The following GRM5 variants were observed in gnomAD, a reference collection of about 807,000 sequenced individuals.
GRM5 encodes the protein glutamate metabotropic receptor 5, also known as metabotropic glutamate receptor 5.
A neutral mutation model predicts 83.1 loss-of-function variants in GRM5; 19 were observed. The observed-to-expected ratio is 0.23, with a 90% confidence interval of 0.16 to 0.34. The LOEUF (loss-of-function observed/expected upper bound fraction) is 0.34. Among genes scored for constraint, GRM5 ranks in the 10% least tolerant of loss-of-function variants. GRM5 has a pLI of 1.00. For missense variants in GRM5, 1,160 were observed against 1,588.3 expected (o/e 0.73, Z 4.58); for synonymous variants, 675 against 633.6 (o/e 1.07, Z -0.98).
chr11:89,032,331 TAA>T lies in GRM5; in HGVS notation c.661+14879_661+14880del, dbSNP rs1491466493. Among the ~76,000 whole-genome samples, 13 of 152,156 alleles carry T rather than the reference TAA, an allele frequency of 8.5e-5. No homozygotes were observed. The East Asian group carries it at 2.5e-3, about 29-fold the overall frequency. On this transcript the variant is annotated intron_variant, in intron 2 of 9. Coordinates refer to ENST00000305447, the MANE Select transcript of GRM5 (RefSeq NM_001143831.3). ...AAAACAGTAAACTAAAAAAAGCATA[TAA>T]TATATATACATACATATTTCAATTA... is the stretch of plus-strand genomic sequence containing the variant.
At chr11:88,713,310 T>C (rs16914647) in intron 3 of GRM5, among the ~76,000 whole-genome samples, 2,705 of 152,166 alleles carry the variant, frequency 0.018, 66 homozygotes, top group East Asian at 0.099. Context: ...AGTAAGAACT[T>C]TGGGTAGATA....
chr11:88,826,577 C>T (rs1005846260), intron 3 of GRM5, among the ~76,000 whole-genome samples: 1 of 151,992 alleles, frequency 6.6e-6, no homozygotes, highest in African/African-American at 2.4e-5. Context: ...TAACTGATGT[C>T]CGTTTTCCAC....
chr11:88,608,643 C>A (rs1280549213), intron 4 of GRM5, among the ~76,000 whole-genome samples: 3 of 151,240 alleles, frequency 2.0e-5, no homozygotes, highest in African/African-American at 7.3e-5. Context: ...CTCAGCCTCC[C>A]GAGTAGCTGG....
intron 3 of GRM5, among the ~76,000 whole-genome samples, chr11:88,666,272 AT>A (rs1210042754): frequency 6.6e-6 from 1 of 152,130 alleles, no homozygotes; most frequent in Non-Finnish European, 1.5e-5. Context: ...GGTTTATTCT[AT>A]TTTTTATTCG....
intron 7 of GRM5, among the ~76,000 whole-genome samples, chr11:88,588,615 T>C (rs1236705157): frequency 2.6e-5 from 4 of 152,176 alleles, no homozygotes; most frequent in African/African-American, 9.6e-5. Flanking sequence ...TTAGTTATTA[T>C]TTGCTAAATA....
At chr11:88,672,728 T>C (rs1705499549) in intron 3 of GRM5, among the ~76,000 whole-genome samples, 1 of 151,990 alleles carries the variant, frequency 6.6e-6, no homozygotes, top group Admixed American at 6.6e-5. Context: ...GCCATATTTA[T>C]ATAATACATA....
chr11:88,772,949 C>A (rs913459878), intron 3 of GRM5, among the ~76,000 whole-genome samples: 1 of 152,120 alleles, frequency 6.6e-6, no homozygotes, highest in Non-Finnish European at 1.5e-5. Context: ...ATTTATAATC[C>A]TTTGGGTATA....
At chr11:88,819,860 A>G (rs1440031253) in intron 3 of GRM5, among the ~76,000 whole-genome samples, 1 of 152,146 alleles carries the variant, frequency 6.6e-6, no homozygotes, top group African/African-American at 2.4e-5. Context: ...CAAAAAGGCG[A>G]GCAAATATGT....
intron 2 of GRM5, among the ~76,000 whole-genome samples, chr11:89,020,921 G>A (rs1445472250): frequency 3.3e-5 from 5 of 152,128 alleles, no homozygotes; most frequent in Non-Finnish European, 7.4e-5. Flanking sequence ...TCTAATGGTG[G>A]CAGAATTAGG....
At position 89,047,931 on chromosome 11, in the gene GRM5, C is replaced by T. The variant is rs1941678497; in HGVS notation, c.-59G>A. 2 of 1,304,710 alleles carry T rather than the reference C, an allele frequency of 1.5e-6. No individual in the cohort carries two copies. Among genetic ancestry groups the T allele is most frequent in the Non-Finnish European group, 2.2e-6 (2 of 913,834 alleles). 80.8% of individuals were successfully genotyped at this position (1,304,710 alleles called of 1,614,324 possible). On this transcript the variant is annotated 5_prime_UTR_variant, in exon 2 of 10. Transcript: ENST00000305447. The surrounding 1 kb of genome is among the most constrained non-coding windows in gnomAD (Gnocchi z 5.1). ...ATGGTGGGGAAAATTCAGGAGGGTT[C>T]TGATAGCTACGAACAAGCGATGTCC...
In GRM5 at chr11:88,557,995, A is replaced by G. The variant is rs151088468; in HGVS notation, c.2630+9058T>C. On this transcript the variant is annotated intron_variant, in intron 8 of 9. Transcript: ENST00000305447. ...ATTTCTCTGTGCATTTTTCTCTCTC[A>G]TCACTTCATACTCTAAAACATTGCT... Among the ~76,000 whole-genome samples the G allele has an allele frequency of 6.5e-4, 99 of 151,996 alleles. No individual in the cohort carries two copies. The East Asian group carries it at 0.016, about 25-fold the overall frequency.
intron 1 of GRM5, among the ~76,000 whole-genome samples, chr11:89,056,791 T>C (rs1436840099): frequency 3.3e-5 from 5 of 152,184 alleles, no homozygotes; most frequent in African/African-American, 9.6e-5. Context: ...TTTGATTATA[T>C]AGTATATTAG....
Position 88,597,353 on chromosome 11 carries a change from CT to C in GRM5, c.1395-2del. On this transcript the variant is annotated splice_acceptor_variant, in intron 5 of 9. Coordinates refer to ENST00000305447, the MANE Select transcript of GRM5 (RefSeq NM_001143831.3). LOFTEE classifies it high-confidence loss of function. ...TTCCTTGAAATTCATTATTTCATAC[CT>C]TAGGAATAAGAATATGATAATTATG... 1.4e-6 allele frequency: 2 copies of C among 1,416,970 alleles called. No individual in the cohort carries two copies. The highest frequency in any genetic ancestry group is 9.9e-7 in the Non-Finnish European group (1 of 1,012,726). The allele number at this position is 1,416,970 out of a possible 1,614,324, so 87.8% of individuals were successfully genotyped here.
chr11:88,696,455 A>G (rs1438418279), intron 3 of GRM5, among the ~76,000 whole-genome samples: 1 of 152,136 alleles, frequency 6.6e-6, no homozygotes, highest in African/African-American at 2.4e-5. Context: ...TTCTCTACCC[A>G]GCACTTCCCT....
chr11:88,830,557 A>G (rs1943971124), intron 3 of GRM5, among the ~76,000 whole-genome samples: 1 of 152,188 alleles, frequency 6.6e-6, no homozygotes, highest in African/African-American at 2.4e-5. Context: ...GCCAGGAGCC[A>G]GGAGAGACTT....
At chr11:88,798,820 A>AAAAAAAAAAAAAAAAAAAAAAAAAC (rs1555017418) in intron 3 of GRM5, among the ~76,000 whole-genome samples, 1 of 136,288 alleles carries the variant, frequency 7.3e-6, no homozygotes. Flanking sequence ...AAAAAAAAAA[A>AAAAAAAAAAAAAAAAAAAAAAAAAC]AAAAAAACAA....
chr11:88,650,719 G>C (rs1216014090), intron 4 of GRM5, among the ~76,000 whole-genome samples: 1 of 151,870 alleles, frequency 6.6e-6, no homozygotes, highest in African/African-American at 2.4e-5. Context: ...TTGTATCTTT[G>C]AACTATATAT....
At chr11:88,718,513 T>TATTA (rs1941450552) in intron 3 of GRM5, among the ~76,000 whole-genome samples, 1 of 152,024 alleles carries the variant, frequency 6.6e-6, no homozygotes. Context: ...TGTATTCATA[T>TATTA]ATTACTTATA....
At chr11:88,727,252 A>AC (rs1259156620) in intron 3 of GRM5, among the ~76,000 whole-genome samples, 3 of 152,092 alleles carry the variant, frequency 2.0e-5, no homozygotes, top group Non-Finnish European at 4.4e-5. Context: ...CTCTGATAAA[A>AC]CAGACTTTAA....
Sources: allele counts gnomAD v4.1 joint callset (sites outside exome capture counted in the v4.1 genomes callset), GRCh38; gene constraint gnomAD v4.1.1; non-coding constraint Gnocchi (gnomAD v3.1); transcripts MANE v1.5; gene names NCBI Gene and HGNC (gene_info 2026-07-23, HGNC 2026-07-21).